SESTD1: variants seen among roughly 807,000 people sequenced by gnomAD.
The protein encoded by SESTD1 is SEC14 and spectrin domain containing 1.
Under a neutral mutation model 101.7 loss-of-function variants are expected in SESTD1, and 43 were observed. The observed-to-expected ratio is 0.42, with a 90% CI of 0.33 to 0.55. The LOEUF (loss-of-function observed/expected upper bound fraction) is 0.55, where lower values mean the gene tolerates loss of function less well. Ranked by LOEUF, SESTD1 falls within the 20% of genes least tolerant of loss-of-function variation. SESTD1 has a pLI of 0.07. For missense variants in SESTD1, 647 were observed against 815.1 expected (o/e 0.79, Z 2.51); for synonymous variants, 283 against 286.8 (o/e 0.99, Z 0.13).
chr2:179,251,519 A>C (rs2047316927), intron 1 of SESTD1, among the ~76,000 whole-genome samples: 2 of 152,188 alleles, frequency 1.3e-5, no homozygotes, highest in African/African-American at 4.8e-5. Context: ...AGTGCTTCCA[A>C]TCACCAGTCT....
chr2:179,258,686 T>C lies in SESTD1; in HGVS notation c.-26+5813A>G, dbSNP rs183279579. Among the ~76,000 whole-genome samples the C allele has an allele frequency of 2.6e-3, 402 of 152,212 alleles. 4 individuals carry two copies. Among genetic ancestry groups the C allele is most frequent in the African/African-American group, 5.2e-3 (218 of 41,528 alleles). Reference sequence around the variant, plus strand: ...ACACACACATGCACACGCACGTGCATGCATGCACACACACACACACCACTA... The same window carrying C: ...ACACACACATGCACACGCACGTGCACGCATGCACACACACACACACCACTA... On this transcript the variant is annotated intron_variant, in intron 1 of 17. Coordinates refer to ENST00000428443, the MANE Select transcript of SESTD1 (RefSeq NM_178123.5).
In SESTD1 at chr2:179,220,933, G is replaced by A. The variant is rs186546412; in HGVS notation, c.-25-29067C>T. 1.5e-4 allele frequency among the ~76,000 whole-genome samples: 23 copies of A among 152,178 alleles called. 1 individual carries two copies. Among genetic ancestry groups the A allele is most frequent in the Non-Finnish European group, 2.5e-4 (17 of 68,002 alleles). On this transcript the variant is annotated intron_variant, in intron 1 of 17. Transcript: ENST00000428443. ...GATATATAAGATTTAAATGCATTCG[G>A]AACAGAGGTTCAGATGTATTTCAGG...
chr2:179,133,813 A>G (rs946583172), intron 9 of SESTD1, among the ~76,000 whole-genome samples: 2 of 152,206 alleles, frequency 1.3e-5, no homozygotes, highest in Non-Finnish European at 2.9e-5. Context: ...CCACATCATA[A>G]AGAAAAATCA....
At position 179,124,364 on chromosome 2, in the gene SESTD1, A is replaced by C. The variant is rs1369639080; in HGVS notation, c.1167T>G (p.Asp389Glu). 6 of 1,613,556 alleles carry C rather than the reference A, an allele frequency of 3.7e-6. No individual in the cohort carries two copies. The highest frequency in any genetic ancestry group is 5.1e-6 in the Non-Finnish European group (6 of 1,179,588). Residue 389 changes from aspartate (D) to glutamate (E), a missense_variant and splice_region_variant, in exon 11 of 18, where the codon GAT becomes GAG. Physicochemically the swap from Asp to Glu is conservative, Grantham distance 45. Around this residue, in one of 3 missense-constraint regions of SESTD1, gnomAD observed 476 missense variants for 562.6 expected, o/e 0.85. Transcript: ENST00000428443. ...AALEFHGVAQ[D>E]LSQQLDGLLG... is the part of the protein sequence containing the mutation. The stretch of plus-strand genomic sequence containing the variant: ...GAAAAGAATCAGAATAGACACTTAC[A>C]TCTTGGGCAACACCATGAAATTCAA...
intron 9 of SESTD1, among the ~76,000 whole-genome samples, chr2:179,142,373 C>T (rs1351856765): frequency 2.0e-5 from 3 of 152,006 alleles, no homozygotes; most frequent in African/African-American, 7.2e-5. Context: ...ACTAGCCTTT[C>T]AAAAGGGGTA....
intron 1 of SESTD1, among the ~76,000 whole-genome samples, chr2:179,202,737 T>C (rs2046537081): frequency 7.4e-6 from 1 of 135,376 alleles, no homozygotes; most frequent in African/African-American, 2.9e-5. Flanking sequence ...AATGATACTG[T>C]GAATGGAATC....
chr2:179,108,096 G>A lies in SESTD1; in HGVS notation c.*1803C>T, dbSNP rs1030593167. The A allele has an allele frequency of 6.6e-6, 1 of 152,120 alleles. No individual in the cohort carries two copies. Among genetic ancestry groups the A allele is most frequent in the Non-Finnish European group, 1.5e-5 (1 of 67,990 alleles). 9.4% of individuals were successfully genotyped at this position (152,120 alleles called of 1,614,324 possible). A position where few individuals can be genotyped will look rare whatever the true frequency, so the allele number is the denominator to read the frequency against. ...ATATTGTCAATCTTTAATCAAGGTTGAAATGTCAACTAGGCAATTAAAAAG... is the reference window on the plus strand; with the variant it reads ...ATATTGTCAATCTTTAATCAAGGTTAAAATGTCAACTAGGCAATTAAAAAG... On this transcript the variant is annotated 3_prime_UTR_variant, in exon 18 of 18. Transcript: ENST00000428443.
chr2:179,145,760 C>A (rs1171958364), intron 8 of SESTD1, among the ~76,000 whole-genome samples: 1 of 152,118 alleles, frequency 6.6e-6, no homozygotes, highest in Non-Finnish European at 1.5e-5. Context: ...TGATCTTCGG[C>A]AAGTCATTTT....
Position 179,204,542 on chromosome 2 carries a change from A to C in SESTD1, c.-25-12676T>G. Among the ~76,000 whole-genome samples, 2 of 134,914 alleles carry C rather than the reference A, an allele frequency of 1.5e-5. 1 individual carries two copies. Among genetic ancestry groups the C allele is most frequent in the Non-Finnish European group, 3.2e-5 (2 of 62,804 alleles). The allele number at this position is 134,914 out of a possible 152,430, so 88.5% of individuals were successfully genotyped here. A position where few individuals can be genotyped will look rare whatever the true frequency, so the allele number is the denominator to read the frequency against. On this transcript the variant is annotated intron_variant, in intron 1 of 17. Transcript: ENST00000428443. Reference sequence around the variant, plus strand: ...TTTTGTCCTTAAAAATCTACTTCTAACTGCTACTAATCAAAGTGCATGTTC... The same window carrying C: ...TTTTGTCCTTAAAAATCTACTTCTACCTGCTACTAATCAAAGTGCATGTTC...
chr2:179,127,322 T>C (rs1398482097), intron 10 of SESTD1, among the ~76,000 whole-genome samples: 1 of 152,188 alleles, frequency 6.6e-6, no homozygotes, highest in Admixed American at 6.5e-5. Flanking sequence ...GAGAGGCCTT[T>C]CCTAAAATCT....
chr2:179,143,988 A>C (rs1292862712), intron 8 of SESTD1, among the ~76,000 whole-genome samples, 185 bp from the exon 9 acceptor site: 1 of 152,030 alleles, frequency 6.6e-6, no homozygotes, highest in Non-Finnish European at 1.5e-5. Flanking sequence ...TAATATATAT[A>C]TGTGTGTATG....
chr2:179,244,883 C>T (rs1259767072), intron 1 of SESTD1, among the ~76,000 whole-genome samples: 1 of 152,088 alleles, frequency 6.6e-6, no homozygotes, highest in African/African-American at 2.4e-5. Context: ...GATTATATTA[C>T]AAATGGGGTA....
intron 1 of SESTD1, among the ~76,000 whole-genome samples, chr2:179,224,322 G>A (rs116601444): frequency 0.022 from 3,311 of 152,264 alleles, 59 homozygotes; most frequent in South Asian, 0.075. Flanking sequence ...TAACAGCAGA[G>A]GAAAACAGCA....
At chr2:179,249,352 T>A (rs1364673639) in intron 1 of SESTD1, among the ~76,000 whole-genome samples, 1 of 152,078 alleles carries the variant, frequency 6.6e-6, no homozygotes, top group Non-Finnish European at 1.5e-5. Context: ...TAAAACCCTA[T>A]TGTATTTCTA....
At chr2:179,250,321 G>A (rs1169762185) in intron 1 of SESTD1, among the ~76,000 whole-genome samples, 1 of 152,180 alleles carries the variant, frequency 6.6e-6, no homozygotes, top group Non-Finnish European at 1.5e-5. Context: ...AAACCACGGT[G>A]AGACATCACT....
chr2:179,199,792 G>C (rs1359591025), intron 1 of SESTD1, among the ~76,000 whole-genome samples: 1 of 152,212 alleles, frequency 6.6e-6, no homozygotes, highest in East Asian at 1.9e-4. Flanking sequence ...ATTAGGTATT[G>C]ATGGGACATA....
intron 8 of SESTD1, among the ~76,000 whole-genome samples, chr2:179,145,732 G>C (rs1232568076): frequency 3.3e-5 from 5 of 152,174 alleles, no homozygotes; most frequent in Admixed American, 2.6e-4. Context: ...GCTATGGAGA[G>C]AGAGCTTAAT....
chr2:179,227,600 A>C (rs2046907370), intron 1 of SESTD1, among the ~76,000 whole-genome samples: 1 of 152,244 alleles, frequency 6.6e-6, no homozygotes, highest in Non-Finnish European at 1.5e-5. Flanking sequence ...ATATTTAAAA[A>C]TACGGAACTA....
At chr2:179,154,695 C>T (rs2045593738) in intron 5 of SESTD1, among the ~76,000 whole-genome samples, 1 of 151,980 alleles carries the variant, frequency 6.6e-6, no homozygotes, top group Admixed American at 6.6e-5. Flanking sequence ...AATATGCAGA[C>T]TACTGGAAAC....
Sources: gnomAD v4.1 joint callset for allele counts (sites outside exome capture counted in the v4.1 genomes callset) on GRCh38, gnomAD v4.1.1 for gene constraint, gnomAD v4.1.1 regional missense constraint, MANE v1.5 for transcripts, NCBI Gene and HGNC (gene_info 2026-07-23, HGNC 2026-07-21) for gene names.